RB1: variants seen among roughly 807,000 people sequenced by gnomAD.
RB1 encodes the protein retinoblastoma-associated protein.
A neutral mutation model predicts 135.4 loss-of-function variants in RB1; 18 were observed. The observed-to-expected ratio is 0.13, with a 90% confidence interval of 0.09 to 0.20. The LOEUF is 0.20. Among genes scored for constraint, RB1 ranks in the 10% least tolerant of loss-of-function variants. RB1 has a pLI of 1.00. For missense variants in RB1, 868 were observed against 1,110.0 expected (o/e 0.78, Z 3.10); for synonymous variants, 365 against 373.2 (o/e 0.98, Z 0.25).
chr13:48,326,153 T>C (rs968774905), intron 2 of RB1, among the ~76,000 whole-genome samples: 1 of 152,192 alleles, frequency 6.6e-6, no homozygotes, highest in Non-Finnish European at 1.5e-5. Flanking sequence ...TTCACTAATA[T>C]ATATTTCTAG....
chr13:48,320,729 G>A (rs1401015532), intron 2 of RB1, among the ~76,000 whole-genome samples: 1 of 152,028 alleles, frequency 6.6e-6, no homozygotes, highest in Non-Finnish European at 1.5e-5. Flanking sequence ...TACTCGTGAG[G>A]CAGAGGCCAG....
At chr13:48,314,726 G>A (rs977294004) in intron 2 of RB1, among the ~76,000 whole-genome samples, 3 of 151,964 alleles carry the variant, frequency 2.0e-5, no homozygotes, top group African/African-American at 4.8e-5. Flanking sequence ...GCTTGAACCC[G>A]GGAGGCGGAG....
intron 17 of RB1, among the ~76,000 whole-genome samples, chr13:48,437,395 G>A (rs1949194565): frequency 6.6e-6 from 1 of 152,166 alleles, no homozygotes; most frequent in Non-Finnish European, 1.5e-5. Flanking sequence ...AAGATCAATT[G>A]CTATATTAAT....
chr13:48,406,493 C>G (rs546907295), intron 17 of RB1: 68 of 152,210 alleles, frequency 4.5e-4, no homozygotes, highest in African/African-American at 1.6e-3. Context: ...TCTTTTCTTG[C>G]TGAAGACAAA....
intron 17 of RB1, among the ~76,000 whole-genome samples, chr13:48,420,019 T>C (rs1035580405): frequency 2.0e-5 from 3 of 151,766 alleles, no homozygotes; most frequent in Non-Finnish European, 2.9e-5. Context: ...GAAAAGAGAG[T>C]CCTCCTTAAC....
At position 48,364,911 on chromosome 13, in the gene RB1, C is replaced by A. The variant is rs775381228; in HGVS notation, c.879C>A (p.Phe293Leu). Residue 293 changes from phenylalanine (F) to leucine (L), a missense_variant, in exon 9 of 27, where the codon TTC (phenylalanine) becomes TTA (leucine). Phe to Leu is a conservative substitution (Grantham distance 22). This residue lies in a region of RB1 where 641 missense variants were observed against 791.3 expected (regional missense o/e 0.81). Transcript: ENST00000267163. ...TTTTTCAGGTGAAAAATGTTTATTT[C>A]AAAAATTTTATACCTTTTATGAATT... ...CNIDEVKNVYFKNFIPFMNSL... is the reference protein window; with the variant it reads ...CNIDEVKNVYLKNFIPFMNSL... 7 of 1,559,750 alleles carry A rather than the reference C, an allele frequency of 4.5e-6. No individual in the cohort carries two copies. The highest frequency in any genetic ancestry group is 1.4e-5 in the African/African-American group (1 of 73,152).
Position 48,346,433 on chromosome 13 carries a change from A to G in RB1, c.500+1234A>G, listed in dbSNP as rs555910015. ...GTGTGTGGCTTTTAAAATTTACCTA[A>G]TTGTGACTTTCTAAATTTTTTTCTA... On this transcript the variant is annotated intron_variant, in intron 4 of 26. Transcript: ENST00000267163. 3.3e-4 allele frequency among the ~76,000 whole-genome samples: 45 copies of G among 134,910 alleles called. No individual in the cohort carries two copies. The South Asian group carries it at 0.01, about 30-fold the overall frequency. 88.5% of individuals were successfully genotyped at this position (134,910 alleles called of 152,430 possible).
chr13:48,475,450 C>T (rs995150017), intron 24 of RB1, among the ~76,000 whole-genome samples: 9 of 152,200 alleles, frequency 5.9e-5, no homozygotes, highest in African/African-American at 2.2e-4. Flanking sequence ...TGGCTATTGG[C>T]CCCTCTATTG....
rs117742879 is a variant in RB1, at chr13:48,334,805, G to C, written c.265-7794G>C. Reference sequence around the variant, plus strand: ...ACTAATTAGGGGTTATCATTAGATTGGTTCAAATGAACTCAACTAAATGAT... The same window carrying C: ...ACTAATTAGGGGTTATCATTAGATTCGTTCAAATGAACTCAACTAAATGAT... On this transcript the variant is annotated intron_variant, in intron 2 of 26. Transcript: ENST00000267163. Among the ~76,000 whole-genome samples, 845 of 152,188 alleles carry C rather than the reference G, an allele frequency of 5.6e-3. 5 individuals carry two copies. The highest frequency in any genetic ancestry group is 0.01 in the Middle Eastern group (3 of 292).
intron 2 of RB1, chr13:48,317,668 G>T: frequency 1.9e-6 from 1 of 531,144 alleles, no homozygotes; most frequent in Non-Finnish European, 2.9e-6. Context: ...ACTGCCACTG[G>T]TGCTCCTGGG....
intron 2 of RB1, among the ~76,000 whole-genome samples, chr13:48,314,332 A>G (rs898134407): frequency 2.0e-5 from 3 of 152,192 alleles, no homozygotes; most frequent in African/African-American, 4.8e-5. Context: ...ATGCATGCAT[A>G]TGGAATGTCT....
intron 2 of RB1, among the ~76,000 whole-genome samples, chr13:48,314,860 C>T (rs1257489704): frequency 6.6e-6 from 1 of 151,708 alleles, no homozygotes; most frequent in Non-Finnish European, 1.5e-5. Context: ...TATTATAGTC[C>T]TCATGTTGTA....
chr13:48,327,917 C>T (rs867315613), intron 2 of RB1, among the ~76,000 whole-genome samples: 4 of 151,934 alleles, frequency 2.6e-5, no homozygotes, highest in South Asian at 2.1e-4. Flanking sequence ...CATAAATTAC[C>T]TCTAATTTCA....
intron 6 of RB1, among the ~76,000 whole-genome samples, chr13:48,350,605 G>T (rs1418371225): frequency 6.6e-6 from 1 of 152,080 alleles, no homozygotes; most frequent in Non-Finnish European, 1.5e-5. Context: ...AGGTTCAGGG[G>T]TACATGTGAT....
intron 17 of RB1, among the ~76,000 whole-genome samples, chr13:48,419,932 G>C (rs1207287004): frequency 6.6e-6 from 1 of 152,188 alleles, no homozygotes; most frequent in Non-Finnish European, 1.5e-5. Flanking sequence ...GGAGCAGATG[G>C]ATTCACAGCT....
intron 13 of RB1, among the ~76,000 whole-genome samples, chr13:48,379,387 A>C (rs1948511648): frequency 1.3e-5 from 2 of 152,120 alleles, no homozygotes; most frequent in Non-Finnish European, 2.9e-5. Flanking sequence ...CTTTTTAAAA[A>C]ATTTTAGTAA....
intron 7 of RB1, among the ~76,000 whole-genome samples, chr13:48,362,040 C>T (rs977416526): frequency 6.6e-5 from 10 of 151,616 alleles, no homozygotes; most frequent in African/African-American, 2.4e-4. Context: ...CTCTGCCTCC[C>T]GGGTTCAAGC....
chr13:48,430,101 T>A (rs1174748879), intron 17 of RB1, among the ~76,000 whole-genome samples: 1 of 152,178 alleles, frequency 6.6e-6, no homozygotes, highest in Non-Finnish European at 1.5e-5. Context: ...TAATTTGCAT[T>A]CTCCACACCT....
chr13:48,389,140 C>A (rs1593461485), intron 17 of RB1, among the ~76,000 whole-genome samples: 1 of 151,456 alleles, frequency 6.6e-6, no homozygotes, highest in African/African-American at 2.4e-5. Context: ...GCCTCAGTGA[C>A]AGAGCAAGAC....
Sources: allele counts gnomAD v4.1 joint callset (sites outside exome capture counted in the v4.1 genomes callset), GRCh38; gene constraint gnomAD v4.1.1; regional missense constraint gnomAD v4.1.1; transcripts MANE v1.5; gene names NCBI Gene and HGNC (gene_info 2026-07-23, HGNC 2026-07-21).